The following CNTN5 variants were observed in gnomAD, a reference collection of about 807,000 sequenced individuals.
CNTN5 encodes contactin 5, also known as contactin-5.
In CNTN5, 77 loss-of-function variants were observed where a neutral mutation model predicts 129.1. The observed-to-expected ratio is 0.60, with a 90% confidence interval of 0.50 to 0.72. CNTN5 has a LOEUF of 0.72. CNTN5 is among the 30% of genes least tolerant of loss of function. The pLI, the probability that CNTN5 is intolerant of heterozygous loss-of-function variation, is 0.00. For synonymous variants in CNTN5, 509 were observed against 465.6 expected, an observed-to-expected ratio of 1.09 and a Z score of -1.20; for missense variants, 1,478 against 1,328.8, an observed-to-expected ratio of 1.11 and a Z score of -1.75.
intron 2 of CNTN5, among the ~76,000 whole-genome samples, chr11:99,441,289 A>C (rs1348129496): frequency 6.6e-6 from 1 of 152,210 alleles, no homozygotes; most frequent in Non-Finnish European, 1.5e-5. Context: ...AACCTCTTTT[A>C]AACAATTACA....
At chr11:100,175,069 G>A (rs747630265) in intron 13 of CNTN5, among the ~76,000 whole-genome samples, 4 of 152,062 alleles carry the variant, frequency 2.6e-5, no homozygotes, top group East Asian at 1.9e-4. Flanking sequence ...TAGGAAACAC[G>A]TGTCTTATCT....
chr11:100,131,540 G>T (rs1466863449), intron 13 of CNTN5, among the ~76,000 whole-genome samples: 1 of 151,998 alleles, frequency 6.6e-6, no homozygotes, highest in East Asian at 1.9e-4. Flanking sequence ...GCCTGGACTT[G>T]ATTCTTGGCA....
rs150144640 is a variant in CNTN5 at position 100,273,524 on chromosome 11, C to A, written c.2314+2283C>A. ...TAAGAATGCGCAGATGACAGCGGAT[C>A]CTCCCCCACCTTGAGTGACCCCTCC... On this transcript the variant is annotated intron_variant, in intron 18 of 24. Transcript: ENST00000524871. 3.3e-5 allele frequency among the ~76,000 whole-genome samples: 5 copies of A among 152,264 alleles called. No homozygotes were observed. In the East Asian group the frequency reaches 9.7e-4, roughly 29 times the overall value.
chr11:99,226,242 GA>G (rs1333057756), intron 1 of CNTN5, among the ~76,000 whole-genome samples: 1 of 152,162 alleles, frequency 6.6e-6, no homozygotes, highest in African/African-American at 2.4e-5. Context: ...TGAAATGTAA[GA>G]GGGTGCTAGC....
intron 2 of CNTN5, among the ~76,000 whole-genome samples, chr11:99,517,083 G>A (rs1947083132): frequency 6.6e-6 from 1 of 151,980 alleles, no homozygotes; most frequent in African/African-American, 2.4e-5. Flanking sequence ...CTCCACAAAT[G>A]ATCTAAGTTT....
chr11:99,383,344 T>C (rs994037870), intron 2 of CNTN5, among the ~76,000 whole-genome samples: 7 of 152,294 alleles, frequency 4.6e-5, no homozygotes, highest in Admixed American at 1.3e-4. Context: ...GGTTATGTGA[T>C]GAACAGAAGA....
rs186059649 is a variant in CNTN5 at position 99,666,124 on chromosome 11, C to T, written c.55+109855C>T. Among the ~76,000 whole-genome samples the T allele has an allele frequency of 5.9e-5, 9 of 152,052 alleles. No homozygotes were observed. The East Asian group carries it at 1.2e-3, about 20-fold the overall frequency. The stretch of plus-strand genomic sequence containing the variant: ...CTAGAATTATAGGTATGTGTCACCA[C>T]GCCCGGCTGATTTTTGTATTTTTAG... On this transcript the variant is annotated intron_variant, in intron 3 of 24. Transcript: ENST00000524871.
chr11:100,154,013 C>CT (rs888051514), intron 13 of CNTN5, among the ~76,000 whole-genome samples: 1 of 151,882 alleles, frequency 6.6e-6, no homozygotes, highest in Non-Finnish European at 1.5e-5. Flanking sequence ...TATCACATTT[C>CT]TTTTTTTATT....
chr11:99,549,641 C>T (rs1273112750), intron 2 of CNTN5, among the ~76,000 whole-genome samples: 1 of 152,048 alleles, frequency 6.6e-6, no homozygotes, highest in Non-Finnish European at 1.5e-5. Flanking sequence ...CCTTCTTAGT[C>T]ATGATATCCA....
intron 8 of CNTN5, among the ~76,000 whole-genome samples, chr11:99,993,666 C>T (rs926583335): frequency 6.6e-6 from 1 of 152,076 alleles, no homozygotes; most frequent in South Asian, 2.1e-4. Context: ...GCTCACTTAC[C>T]GGCCTCTCAC....
intron 1 of CNTN5, among the ~76,000 whole-genome samples, chr11:99,316,140 T>G (rs1409339157): frequency 6.6e-6 from 1 of 152,118 alleles, no homozygotes; most frequent in Non-Finnish European, 1.5e-5. Flanking sequence ...GAATGTCCAC[T>G]AGATTTGCTC....
chr11:100,161,818 C>T (rs915107486), intron 13 of CNTN5, among the ~76,000 whole-genome samples: 1 of 131,630 alleles, frequency 7.6e-6, no homozygotes, highest in African/African-American at 2.8e-5. Flanking sequence ...CAAGGATAGC[C>T]CTGGAGCTTC....
At chr11:99,682,373 A>G (rs1399858610) in intron 3 of CNTN5, among the ~76,000 whole-genome samples, 1 of 151,978 alleles carries the variant, frequency 6.6e-6, no homozygotes, top group South Asian at 2.1e-4. Flanking sequence ...AAAGAATACT[A>G]CTAAAAATGA....
At chr11:99,871,226 G>T (rs1052391288) in intron 6 of CNTN5, among the ~76,000 whole-genome samples, 3 of 151,958 alleles carry the variant, frequency 2.0e-5, no homozygotes, top group Non-Finnish European at 4.4e-5. Context: ...CCACAAAAGA[G>T]AATTTTCAGT....
In CNTN5 at chr11:100,356,087, T is replaced by G. The variant is rs114811929; in HGVS notation, c.3200-30T>G. 2.0e-3 allele frequency: 2,995 copies of G among 1,473,526 alleles called. 40 individuals are homozygous for G. In the African/African-American group the frequency reaches 0.036, roughly 18 times the overall value. 91.3% of individuals were successfully genotyped at this position (1,473,526 alleles called of 1,614,324 possible). A position where few individuals can be genotyped will look rare whatever the true frequency, so the allele number is the denominator to read the frequency against. On this transcript the variant is annotated intron_variant, in intron 24 of 24. Coordinates refer to ENST00000524871, the MANE Select transcript of CNTN5 (RefSeq NM_014361.4). ...CTAGCTCAAGCAAAACCAAGATAAT[T>G]TGCTCCATTTGATGCTTCTTTTTTC... is the stretch of plus-strand genomic sequence containing the variant.
At chr11:99,108,270 A>C (rs1857614102) in intron 1 of CNTN5, among the ~76,000 whole-genome samples, 1 of 152,184 alleles carries the variant, frequency 6.6e-6, no homozygotes, top group African/African-American at 2.4e-5. Flanking sequence ...TTTTGAAATT[A>C]TAAGTTGATT....
At chr11:99,769,884 C>G (rs541948680) in intron 3 of CNTN5, among the ~76,000 whole-genome samples, 1 of 151,348 alleles carries the variant, frequency 6.6e-6, no homozygotes, top group East Asian at 2.0e-4. Flanking sequence ...ATGGTATAGA[C>G]AAACAGCCTT....
At chr11:99,550,304 G>A (rs1354202687) in intron 2 of CNTN5, among the ~76,000 whole-genome samples, 2 of 152,134 alleles carry the variant, frequency 1.3e-5, no homozygotes, top group Non-Finnish European at 2.9e-5. Flanking sequence ...ATATATGACA[G>A]CAAGCAATAA....
chr11:99,831,674 C>T (rs1025771252), intron 4 of CNTN5, among the ~76,000 whole-genome samples: 22 of 152,140 alleles, frequency 1.4e-4, no homozygotes, highest in African/African-American at 5.1e-4. Flanking sequence ...TGTTCAACCA[C>T]TAAGCTGGTC....
Sources: allele counts gnomAD v4.1 joint callset (sites outside exome capture counted in the v4.1 genomes callset), GRCh38; gene constraint gnomAD v4.1.1; transcripts MANE v1.5; gene names NCBI Gene and HGNC (gene_info 2026-07-23, HGNC 2026-07-21).